Variants in WAPL observed in about 807,000 individuals in gnomAD.
The protein encoded by WAPL is WAPL cohesin release factor.
Under a neutral mutation model 121.0 loss-of-function variants are expected in WAPL, and 5 were observed. That is an observed-to-expected ratio of 0.04 (90% CI 0.02 to 0.09). WAPL has a LOEUF of 0.09. Among genes scored for constraint, WAPL ranks in the 10% least tolerant of loss-of-function variants. The pLI is 1.00. For synonymous variants in WAPL, 480 were observed against 481.5 expected, an observed-to-expected ratio of 1.00 and a Z score of 0.04; for missense variants, 999 against 1,410.8, an observed-to-expected ratio of 0.71 and a Z score of 4.68.
intron 16 of WAPL, 142 bp downstream of exon 16, chr10:86,446,100 A>G (rs770742267): frequency 5.8e-6 from 5 of 866,392 alleles, no homozygotes; most frequent in Non-Finnish European, 8.8e-6. Flanking sequence ...GCACTTAAGT[A>G]TCAAAGCTTG....
At chr10:86,491,356 G>T (rs1045188494) in intron 4 of WAPL, among the ~76,000 whole-genome samples, 16 of 151,628 alleles carry the variant, frequency 1.1e-4, no homozygotes, top group Non-Finnish European at 5.9e-5. Flanking sequence ...AGCCAGGATG[G>T]TCTTGCTCTC....
chr10:86,473,972 G>A lies in WAPL; in HGVS notation c.1646C>T (p.Ser549Leu). ...GGCATTATATACAGCTTTTGTGGGTGACTAGAGAAATGAGAGAAAGATCAA... is the reference window on the plus strand; with the variant it reads ...GGCATTATATACAGCTTTTGTGGGTAACTAGAGAAATGAGAGAAAGATCAA... Reference protein sequence around the residue: ...TRKIFSGPKRSPTKAVYNARH... With the variant: ...TRKIFSGPKRLPTKAVYNARH... The change falls in exon 5 of 19, where the codon TCA (serine) becomes TTA (leucine). Residue 549 changes from serine (S) to leucine (L), a missense_variant and splice_region_variant. Transcript: ENST00000298767. The A allele has an allele frequency of 1.2e-6, 2 of 1,612,850 alleles. No homozygotes were observed. Among genetic ancestry groups the A allele is most frequent in the Non-Finnish European group, 1.7e-6 (2 of 1,179,184 alleles).
At chr10:86,489,995 G>A (rs530291328) in intron 4 of WAPL, among the ~76,000 whole-genome samples, 25 of 151,876 alleles carry the variant, frequency 1.6e-4, no homozygotes, top group Non-Finnish European at 3.1e-4. Context: ...TGGGCGGATC[G>A]CTTGAGGTCA....
chr10:86,447,494 G>A (rs1849651982), intron 15 of WAPL, among the ~76,000 whole-genome samples: 1 of 152,050 alleles, frequency 6.6e-6, no homozygotes, highest in Non-Finnish European at 1.5e-5. Flanking sequence ...ACTGTTTCTG[G>A]ACATATACAA....
At chr10:86,455,064 G>C (rs1841104996) in intron 12 of WAPL, among the ~76,000 whole-genome samples, 1 of 150,214 alleles carries the variant, frequency 6.7e-6, no homozygotes, top group Non-Finnish European at 1.5e-5. Flanking sequence ...CCGGGAGGGA[G>C]GTGGGGGGCA....
At chr10:86,482,157 T>C (rs1190423153) in intron 4 of WAPL, among the ~76,000 whole-genome samples, 1 of 152,244 alleles carries the variant, frequency 6.6e-6, no homozygotes, top group Non-Finnish European at 1.5e-5. Flanking sequence ...AGCAATTCTG[T>C]ACCTATTTAG....
At chr10:86,510,068 C>CTT (rs11323475) in intron 2 of WAPL, among the ~76,000 whole-genome samples, 764 of 57,218 alleles carry the variant, frequency 0.013, 14 homozygotes, top group East Asian at 0.048. Context: ...TCCACCCGGC[C>CTT]TTTTTTTTTT....
chr10:86,517,668 G>C lies in WAPL; in HGVS notation c.402C>G (p.Phe134Leu), dbSNP rs1177509096. 3 of 1,613,798 alleles carry C rather than the reference G, an allele frequency of 1.9e-6. No homozygotes were observed. Among genetic ancestry groups the C allele is most frequent in the Non-Finnish European group, 2.5e-6 (3 of 1,179,950 alleles). Residue 134 changes from phenylalanine (F) to leucine (L), a missense_variant, in exon 2 of 19, where the codon TTC becomes TTG. By Grantham distance (22) the Phe-to-Leu change is conservative. Coordinates refer to ENST00000298767, the MANE Select transcript of WAPL (RefSeq NM_015045.5). ...TCCCAAGTAAAGTGTCCTCCAAAGGGAAGCATTTATCAGAAACGACAGTGT... is the reference window on the plus strand; with the variant it reads ...TCCCAAGTAAAGTGTCCTCCAAAGGCAAGCATTTATCAGAAACGACAGTGT... ...VEDTVVSDKC[F>L]PLEDTLLGKE... is the part of the protein sequence containing the mutation.
At chr10:86,467,122 A>C in intron 9 of WAPL, 157 bp downstream of exon 9, 1 of 647,348 alleles carries the variant, frequency 1.5e-6, no homozygotes. Context: ...TCAGGCAAGG[A>C]ATGAAATTAT....
chr10:86,493,834 T>A (rs561280546), intron 4 of WAPL, among the ~76,000 whole-genome samples: 1 of 152,026 alleles, frequency 6.6e-6, no homozygotes, highest in Non-Finnish European at 1.5e-5. Flanking sequence ...AGACCCTCCC[T>A]CTACTAAAAA....
chr10:86,460,716 CTTCT>C (rs1266989349), intron 10 of WAPL, among the ~76,000 whole-genome samples: 1 of 118,958 alleles, frequency 8.4e-6, no homozygotes, highest in African/African-American at 3.5e-5. Context: ...TTAATGGCCT[CTTCT>C]TTTTTTTTTT....
chr10:86,455,778 C>T (rs1196636545), intron 12 of WAPL, among the ~76,000 whole-genome samples: 2 of 149,506 alleles, frequency 1.3e-5, no homozygotes, highest in African/African-American at 2.5e-5. Context: ...AAAGATAGAG[C>T]GTAAATCTAT....
At chr10:86,494,000 C>T (rs1403457810) in intron 4 of WAPL, among the ~76,000 whole-genome samples, 2 of 152,110 alleles carry the variant, frequency 1.3e-5, no homozygotes, top group African/African-American at 4.8e-5. Context: ...AAGACTCTGC[C>T]TCAAAAAATA....
intron 2 of WAPL, among the ~76,000 whole-genome samples, chr10:86,517,029 C>T (rs1026156024): frequency 1.3e-5 from 2 of 151,824 alleles, no homozygotes; most frequent in East Asian, 1.9e-4. Flanking sequence ...CCAGCATGGG[C>T]GACAGCGAGA....
chr10:86,470,730 ATAC>A (rs540713607), intron 8 of WAPL, among the ~76,000 whole-genome samples: 124 of 152,372 alleles, frequency 8.1e-4, no homozygotes, highest in African/African-American at 2.6e-3. Flanking sequence ...CTGTATCAAT[ATAC>A]TACATTAGCT....
At chr10:86,462,240 G>A (rs563502183) in intron 9 of WAPL, among the ~76,000 whole-genome samples, 30 of 152,228 alleles carry the variant, frequency 2.0e-4, no homozygotes, top group African/African-American at 7.0e-4. Context: ...GACAAGATCT[G>A]GTTTTTCTCC....
intron 8 of WAPL, among the ~76,000 whole-genome samples, chr10:86,468,742 T>C (rs1841460530): frequency 6.6e-6 from 1 of 151,828 alleles, no homozygotes; most frequent in Admixed American, 6.6e-5. Flanking sequence ...GGTGGGCAGA[T>C]CACCTGAGGT....
At chr10:86,496,345 T>C (rs1035845978) in intron 4 of WAPL, among the ~76,000 whole-genome samples, 5 of 151,996 alleles carry the variant, frequency 3.3e-5, no homozygotes, top group Non-Finnish European at 5.9e-5. Flanking sequence ...CTGGTAGCAA[T>C]GTAAAATGGT....
intron 4 of WAPL, among the ~76,000 whole-genome samples, chr10:86,483,769 C>CAAAAA (rs140276448): frequency 6.5e-5 from 7 of 107,142 alleles, no homozygotes; most frequent in African/African-American, 2.5e-4. Flanking sequence ...AAGTTTTTAA[C>CAAAAA]AAAAAAAAAA....
Sources: allele counts gnomAD v4.1 joint callset (sites outside exome capture counted in the v4.1 genomes callset), GRCh38; gene constraint gnomAD v4.1.1; transcripts MANE v1.5; gene names NCBI Gene and HGNC (gene_info 2026-07-23, HGNC 2026-07-21).